Variants in ELK3 observed in about 807,000 individuals in gnomAD.
ELK3 encodes ETS transcription factor ELK3.
In ELK3, 10 loss-of-function variants were observed where a neutral mutation model predicts 28.9. The ratio of observed to expected loss-of-function variants is 0.35; its 90% CI spans 0.21 to 0.59. The LOEUF is 0.59. Among genes scored for constraint, ELK3 ranks in the 20% least tolerant of loss-of-function variants. ELK3 has a pLI of 0.82. For synonymous variants in ELK3, 272 were observed against 243.5 expected, an observed-to-expected ratio of 1.12 and a Z score of -1.09; for missense variants, 463 against 517.3, an observed-to-expected ratio of 0.90 and a Z score of 1.02.
chr12:96,237,825 G>A (rs1360232063), intron 2 of ELK3, among the ~76,000 whole-genome samples: 1 of 152,228 alleles, frequency 6.6e-6, no homozygotes, highest in Non-Finnish European at 1.5e-5. Flanking sequence ...CTGAAAGAAT[G>A]TTTGCTTGTC....
At chr12:96,194,941 C>T (rs1355362348) in intron 1 of ELK3, among the ~76,000 whole-genome samples, 1 of 146,516 alleles carries the variant, frequency 6.8e-6, no homozygotes, top group Non-Finnish European at 1.5e-5. Context: ...CCCGAGCTCG[C>T]GCCGGGCCCG....
intron 2 of ELK3, among the ~76,000 whole-genome samples, chr12:96,227,448 A>G (rs1446637202): frequency 6.6e-6 from 1 of 152,158 alleles, no homozygotes. Context: ...GTAGACAAGC[A>G]TGAGAATATC....
intron 4 of ELK3, among the ~76,000 whole-genome samples, chr12:96,261,509 AAATT>A (rs1268478290): frequency 5.2e-4 from 79 of 152,342 alleles, no homozygotes; most frequent in African/African-American, 1.7e-3. Context: ...CAGAATTCTA[AAATT>A]AATAGAATAG....
intron 2 of ELK3, among the ~76,000 whole-genome samples, chr12:96,238,129 A>C (rs1368610359): frequency 6.6e-6 from 1 of 152,244 alleles, no homozygotes; most frequent in East Asian, 1.9e-4. Flanking sequence ...TGCCCACCCA[A>C]GAAATTTTCC....
At position 96,240,661 on chromosome 12, in the gene ELK3, C is replaced by T. The variant is rs186159286; in HGVS notation, c.208-6279C>T. 5.3e-5 allele frequency among the ~76,000 whole-genome samples: 8 copies of T among 152,292 alleles called. No homozygotes were observed. In the East Asian group the frequency reaches 9.6e-4, roughly 18 times the overall value. On this transcript the variant is annotated intron_variant, in intron 2 of 4. Transcript: ENST00000228741. ...TGTTAGGAAAAGTCTTCAGCACAAC[C>T]GATCCTGCTTGCTTACTGAGCTGCT...
At chr12:96,245,965 C>T (rs911779224) in intron 2 of ELK3, among the ~76,000 whole-genome samples, 9 of 152,124 alleles carry the variant, frequency 5.9e-5, no homozygotes, top group African/African-American at 2.2e-4. Flanking sequence ...CAATGAATGT[C>T]ACAGATATCC....
chr12:96,262,815 A>G (rs2137044949), intron 4 of ELK3, among the ~76,000 whole-genome samples: 1 of 151,816 alleles, frequency 6.6e-6, no homozygotes, highest in Non-Finnish European at 1.5e-5. Context: ...TTTTTTAAGA[A>G]CTTTTTTTTT....
At chr12:96,233,521 A>G (rs939758832) in intron 2 of ELK3, among the ~76,000 whole-genome samples, 1 of 152,256 alleles carries the variant, frequency 6.6e-6, no homozygotes, top group Non-Finnish European at 1.5e-5. Flanking sequence ...AGTCATTGGC[A>G]ACCTATTCCT....
At chr12:96,199,976 A>T (rs57260646) in intron 1 of ELK3, among the ~76,000 whole-genome samples, 2,115 of 152,262 alleles carry the variant, frequency 0.014, 49 homozygotes, top group African/African-American at 0.049. Flanking sequence ...TAAAGTTTCT[A>T]TAGCTAAGAA....
At chr12:96,206,608 G>GA (rs1227843319) in intron 1 of ELK3, among the ~76,000 whole-genome samples, 3 of 151,484 alleles carry the variant, frequency 2.0e-5, no homozygotes, top group Non-Finnish European at 2.9e-5. Flanking sequence ...TTTCACAAGG[G>GA]AAAAAAAAGA....
chr12:96,247,727 C>T lies in ELK3; in HGVS notation c.995C>T (p.Thr332Ile). The T allele has an allele frequency of 1.3e-6, 2 of 1,574,840 alleles. No individual in the cohort carries two copies. The highest frequency in any genetic ancestry group is 1.7e-6 in the Non-Finnish European group (2 of 1,161,414). Residue 332 changes from threonine (T) to isoleucine (I), a missense_variant, in exon 3 of 5, where the codon ACC becomes ATC. Coordinates refer to ENST00000228741, the MANE Select transcript of ELK3 (RefSeq NM_005230.4). The surrounding 1 kb of genome is among the most constrained non-coding windows in gnomAD (Gnocchi z 5.5). ...PSGSLTPAFF[T>I]AQTPNGLLLT... is the part of the protein sequence containing the mutation. ...GGATCCCTCACCCCAGCCTTCTTCA[C>T]CGCACAGGTAAGAGTCATTCCTGTC...
At position 96,267,340 on chromosome 12, in the gene ELK3, A is replaced by G. The variant is rs1373356121; in HGVS notation, c.*160A>G. 8 of 579,030 alleles carry G rather than the reference A, an allele frequency of 1.4e-5. No homozygotes were observed. Among genetic ancestry groups the G allele is most frequent in the Non-Finnish European group, 2.3e-5 (8 of 341,584 alleles). 35.9% of individuals were successfully genotyped at this position (579,030 alleles called of 1,614,324 possible). On this transcript the variant is annotated 3_prime_UTR_variant, in exon 5 of 5. Coordinates refer to ENST00000228741, the MANE Select transcript of ELK3 (RefSeq NM_005230.4). ...TCTAGATTTATGTTAGCATTTTAAA[A>G]ACTGTTTTTGATATATTCAAGTATA...
At chr12:96,242,129 G>C (rs1951825966) in intron 2 of ELK3, among the ~76,000 whole-genome samples, 1 of 152,206 alleles carries the variant, frequency 6.6e-6, no homozygotes, top group Admixed American at 6.5e-5. Context: ...GGGATTGAAG[G>C]GGGTGGAAAC....
intron 1 of ELK3, among the ~76,000 whole-genome samples, chr12:96,214,767 T>C (rs1404454970): frequency 6.6e-6 from 1 of 152,234 alleles, no homozygotes; most frequent in East Asian, 1.9e-4. Context: ...ATTTACTTAA[T>C]ACCTTACACT....
intron 1 of ELK3, among the ~76,000 whole-genome samples, chr12:96,208,881 G>A (rs1340914971): frequency 2.0e-5 from 3 of 152,266 alleles, no homozygotes; most frequent in Non-Finnish European, 4.4e-5. Flanking sequence ...AGGGAAAGGG[G>A]AAGGTGCACA....
At chr12:96,204,264 A>T (rs1053839348) in intron 1 of ELK3, among the ~76,000 whole-genome samples, 6 of 152,178 alleles carry the variant, frequency 3.9e-5, no homozygotes, top group African/African-American at 1.4e-4. Flanking sequence ...TCCCTTGGAT[A>T]ACCAGTTTTT....
intron 3 of ELK3, among the ~76,000 whole-genome samples, chr12:96,254,742 A>G (rs1027793361): frequency 6.6e-6 from 1 of 152,060 alleles, no homozygotes; most frequent in Non-Finnish European, 1.5e-5. Flanking sequence ...ACTAAGTTGC[A>G]AAAGGAATCC....
intron 2 of ELK3, among the ~76,000 whole-genome samples, chr12:96,238,177 G>A (rs1295607364): frequency 6.6e-6 from 1 of 152,234 alleles, no homozygotes; most frequent in Non-Finnish European, 1.5e-5. Flanking sequence ...GATATAATGA[G>A]CAGTGTGTAC....
chr12:96,246,427 G>A (rs1951855592), intron 2 of ELK3, among the ~76,000 whole-genome samples: 1 of 152,208 alleles, frequency 6.6e-6, no homozygotes, highest in African/African-American at 2.4e-5. Context: ...GGCCAAGGTT[G>A]GGGGATTGCT....
Sources: gnomAD v4.1 joint callset for allele counts (sites outside exome capture counted in the v4.1 genomes callset) on GRCh38, gnomAD v4.1.1 for gene constraint, Gnocchi (gnomAD v3.1) non-coding constraint, MANE v1.5 for transcripts, NCBI Gene and HGNC (gene_info 2026-07-23, HGNC 2026-07-21) for gene names.